The following LRCH4 variants were observed in gnomAD, a reference collection of about 807,000 sequenced individuals.
The protein encoded by LRCH4 is leucine-rich repeat and calponin homology domain-containing protein 4.
LRCH4 carries 56 observed loss-of-function variants against 81.2 expected under a neutral mutation model. The observed-to-expected ratio is 0.69, with a 90% CI of 0.56 to 0.86. LRCH4 has a LOEUF of 0.86. LRCH4 is among the 40% of genes least tolerant of loss of function. LRCH4 has a pLI of 0.00. For missense variants in LRCH4, 895 were observed against 922.8 expected (o/e 0.97, Z 0.39); for synonymous variants, 442 against 409.7 (o/e 1.08, Z -0.95).
At chr7:100,579,412 A>G (rs1801465694) in intron 4 of LRCH4, 1 of 152,346 alleles carries the variant, frequency 6.6e-6, no homozygotes, top group African/African-American at 2.4e-5. Flanking sequence ...CCTGGCTAAC[A>G]TGGTGAAAAC....
rs373733500 is a variant in LRCH4 at position 100,575,246 on chromosome 7, G to A, written c.1913C>T (p.Ala638Val). The A allele has an allele frequency of 2.8e-5, 45 of 1,591,598 alleles. No individual in the cohort carries two copies. Among genetic ancestry groups the A allele is most frequent in the Middle Eastern group, 1.7e-4 (1 of 5,992 alleles). ...LQGTARGLRT[A>V]LEAVKRVGGK... is the part of the protein sequence containing the mutation. Reference sequence around the variant, plus strand: ...CCCCACCCGCTTCACGGCCTCCAGCGCGGTCCGCAGCCCCCGGGCAGTGCC... The same window carrying A: ...CCCCACCCGCTTCACGGCCTCCAGCACGGTCCGCAGCCCCCGGGCAGTGCC... The change falls in exon 18 of 18, where the codon GCG becomes GTG. Residue 638 changes from alanine to valine, a missense_variant. Ala to Val is a moderately conservative substitution (Grantham distance 64). Transcript: ENST00000310300. The surrounding 1 kb of genome is among the most constrained non-coding windows in gnomAD (Gnocchi z 5.3).
At chr7:100,584,683 T>C (rs1801668392) in intron 1 of LRCH4, 1 of 456,542 alleles carries the variant, frequency 2.2e-6, no homozygotes, top group Non-Finnish European at 4.4e-6. Context: ...TCATTCCCCA[T>C]CTCAAGTGTT....
chr7:100,578,527 C>A lies in LRCH4; in HGVS notation c.736-16G>T. ...TCAGGCAGACCTGTGTGCGGGGCAGCACACGCCAGGGAGTTGGCAGGGAGG... is the reference window on the plus strand; with the variant it reads ...TCAGGCAGACCTGTGTGCGGGGCAGAACACGCCAGGGAGTTGGCAGGGAGG... On this transcript the variant is annotated splice_polypyrimidine_tract_variant and intron_variant, in intron 5 of 17. Transcript: ENST00000310300. This position sits in a 1 kb window ranked among gnomAD's most constrained non-coding sequence, Gnocchi z 5.7. 1 of 1,609,896 alleles carries A rather than the reference C, an allele frequency of 6.2e-7. No homozygotes were observed. The highest frequency in any genetic ancestry group is 1.1e-5 in the South Asian group (1 of 90,522).
In LRCH4 at chr7:100,583,325, C is replaced by A. The variant is rs151014506; in HGVS notation, c.221-866G>T. Among the ~76,000 whole-genome samples the A allele has an allele frequency of 3.3e-5, 5 of 152,318 alleles. No homozygotes were observed. Among genetic ancestry groups the A allele is most frequent in the Non-Finnish European group, 5.9e-5 (4 of 68,024 alleles). ...CTGGGGTCTACAATCGCCCTCTTAT[C>A]TGGAGCACTGCCTTGCTATGCGGAG... On this transcript the variant is annotated intron_variant, in intron 1 of 17. Transcript: ENST00000310300. This position sits in a 1 kb window ranked among gnomAD's most constrained non-coding sequence, Gnocchi z 4.3.
At position 100,575,095 on chromosome 7, in the gene LRCH4, C is replaced by T. The variant is rs779087786; in HGVS notation, c.*12G>A. 10 of 1,599,900 alleles carry T rather than the reference C, an allele frequency of 6.3e-6. No individual in the cohort carries two copies. The African/African-American group carries it at 9.4e-5, about 15-fold the overall frequency. On this transcript the variant is annotated 3_prime_UTR_variant, in exon 18 of 18. Coordinates refer to ENST00000310300, the MANE Select transcript of LRCH4 (RefSeq NM_002319.5). This position sits in a 1 kb window ranked among gnomAD's most constrained non-coding sequence, Gnocchi z 5.3. ...GGAAGGGAAAGGGGTGAGGGAGGGC[C>T]GATTTTGGGGCCTAGGAACCCAGGA...
At position 100,574,527 on chromosome 7, in the gene LRCH4, G is replaced by C. The variant is rs371729570; in HGVS notation, c.*580C>G. The C allele has an allele frequency of 6.6e-6, 1 of 152,312 alleles. No individual in the cohort carries two copies. The highest frequency in any genetic ancestry group is 2.4e-5 in the African/African-American group (1 of 41,374). The allele number at this position is 152,312 out of a possible 1,614,324, so 9.4% of individuals were successfully genotyped here. On this transcript the variant is annotated 3_prime_UTR_variant, in exon 18 of 18. Transcript: ENST00000310300. Reference sequence around the variant, plus strand: ...AAGGGAGGTGACACGGGGGGTTGGCGGACGCTCCGGGAGCATGAGAGGCCG... The same window carrying C: ...AAGGGAGGTGACACGGGGGGTTGGCCGACGCTCCGGGAGCATGAGAGGCCG...
chr7:100,576,935 C>A lies in LRCH4; in HGVS notation c.1435G>T (p.Ala479Ser). The change falls in exon 13 of 18, where the codon GCC becomes TCC. Residue 479 changes from alanine (A) to serine (S), a missense_variant. By Grantham distance (99) the Ala-to-Ser change is moderately conservative. Coordinates refer to ENST00000310300, the MANE Select transcript of LRCH4 (RefSeq NM_002319.5). ...AGQGAPAPAP[A>S]SQEPLPIAGP... is the part of the protein sequence containing the mutation. ...GCTATGGGAAGGGGCTCTTGGGAGG[C>A]AGGGGCAGGGGCGGGGGCTCCCTGC... 6.4e-7 allele frequency: 1 copy of A among 1,566,724 alleles called. No homozygotes were observed.
At position 100,576,317 on chromosome 7, in the gene LRCH4, G is replaced by A. The variant is rs756533087; in HGVS notation, c.1559C>T (p.Ser520Phe). The change falls in exon 15 of 18, where the codon TCC (serine) becomes TTC (phenylalanine). Residue 520 changes from serine to phenylalanine, a missense_variant. Ser to Phe is a radical substitution (Grantham distance 155). Around this residue, in one of 3 missense-constraint regions of LRCH4, gnomAD observed 529 missense variants for 504.9 expected, o/e 1.05. Transcript: ENST00000310300. ...RSSSQSGSGP[S>F]SPDSVLRPRR... ...AGGTCTCAGGACAGAGTCTGGTGAGGAAGGGCCTAGGAGAAAAAGGGGGGC... is the reference window on the plus strand; with the variant it reads ...AGGTCTCAGGACAGAGTCTGGTGAGAAAGGGCCTAGGAGAAAAAGGGGGGC... The A allele has an allele frequency of 8.1e-6, 13 of 1,613,638 alleles. No homozygotes were observed. Among genetic ancestry groups the A allele is most frequent in the Non-Finnish European group, 1.1e-5 (13 of 1,179,734 alleles).
chr7:100,580,478 A>G (rs1481636370), intron 4 of LRCH4: 1 of 152,292 alleles, frequency 6.6e-6, no homozygotes. Context: ...ACATACATAC[A>G]CACAGACACA....
In LRCH4 at chr7:100,575,296, C is replaced by A. The variant is rs1466638723; in HGVS notation, c.1863G>T (p.Leu621=). The change falls in exon 18 of 18, where the codon CTG becomes CTT. Residue 621 remains leucine, a synonymous_variant. Transcript: ENST00000310300. The surrounding 1 kb of genome is among the most constrained non-coding windows in gnomAD (Gnocchi z 5.3). Reference sequence around the variant, plus strand: ...CCTGGAGGAGATCCGAGGGCGAGCACAGGTCAGCCTGGGGGAGAGGAGAGC... The same window carrying A: ...CCTGGAGGAGATCCGAGGGCGAGCAAAGGTCAGCCTGGGGGAGAGGAGAGC... ...CRKMGVPEAD[L]CSPSDLLQGT... 2 of 1,549,834 alleles carry A rather than the reference C, an allele frequency of 1.3e-6. No homozygotes were observed.
Position 100,575,669 on chromosome 7 carries a change from G to A in LRCH4, c.1854+36C>T, listed in dbSNP as rs199878304. The stretch of plus-strand genomic sequence containing the variant: ...CCATGCCACATGCTCGGCTGAGTCC[G>A]GCATGCCACCACTCTTTAGAAAGCA... On this transcript the variant is annotated intron_variant, in intron 17 of 17. Transcript: ENST00000310300. This position sits in a 1 kb window ranked among gnomAD's most constrained non-coding sequence, Gnocchi z 5.3. 132 of 1,609,090 alleles carry A rather than the reference G, an allele frequency of 8.2e-5. No homozygotes were observed. Among genetic ancestry groups the A allele is most frequent in the Admixed American group, 4.0e-4 (24 of 60,010 alleles).
chr7:100,584,998 C>A (rs1801680736), intron 1 of LRCH4: 1 of 352,010 alleles, frequency 2.8e-6, no homozygotes, highest in African/African-American at 2.1e-5. Context: ...ACAGTTAAGT[C>A]CCCCACCCCC....
chr7:100,579,764 A>T (rs1801475175), intron 4 of LRCH4: 1 of 152,058 alleles, frequency 6.6e-6, no homozygotes, highest in African/African-American at 2.4e-5. Flanking sequence ...GAGCCTTCCC[A>T]GGTGCTGTTT....
At position 100,576,929 on chromosome 7, in the gene LRCH4, G is replaced by GGGAGGC; in HGVS notation, c.1435_1440dup (p.Ala479_Ser480dup). On this transcript the variant is annotated inframe_insertion, in exon 13 of 18. Transcript: ENST00000310300. ...GGTCCAGCTATGGGAAGGGGCTCTT[G>GGGAGGC]GGAGGCAGGGGCAGGGGCGGGGGCT... is the stretch of plus-strand genomic sequence containing the variant. 1 of 1,567,476 alleles carries GGGAGGC rather than the reference G, an allele frequency of 6.4e-7. No individual in the cohort carries two copies. Among genetic ancestry groups the GGGAGGC allele is most frequent in the East Asian group, 2.3e-5 (1 of 43,182 alleles).
chr7:100,584,417 G>A (rs1188095989), intron 1 of LRCH4, among the ~76,000 whole-genome samples: 3 of 152,072 alleles, frequency 2.0e-5, no homozygotes, highest in Non-Finnish European at 4.4e-5. Context: ...GAATGCTGGG[G>A]GAGGAGGGGG....
Position 100,577,364 on chromosome 7 carries a change from G to A in LRCH4, c.1204C>T (p.Arg402Trp), listed in dbSNP as rs1471403594. The stretch of plus-strand genomic sequence containing the variant: ...AGCTGCAAGGTGTCCGGGCGCCGCC[G>A]CTCCTCCCCTGCCGGCTCCTCCCGC... ...SRREEPAGEE[R>W]RRPDTLQLWQ... is the part of the protein sequence containing the mutation. The change falls in exon 11 of 18, where the codon CGG (arginine) becomes TGG (tryptophan). Residue 402 changes from arginine to tryptophan, a missense_variant. By Grantham distance (101) the Arg-to-Trp change is moderately radical. Coordinates refer to ENST00000310300, the MANE Select transcript of LRCH4 (RefSeq NM_002319.5). The surrounding 1 kb of genome is among the most constrained non-coding windows in gnomAD (Gnocchi z 6.7). 3 of 1,599,562 alleles carry A rather than the reference G, an allele frequency of 1.9e-6. No individual in the cohort carries two copies. Among genetic ancestry groups the A allele is most frequent in the Admixed American group, 3.3e-5 (2 of 59,948 alleles).
rs112574081 is a variant in LRCH4 at position 100,582,233 on chromosome 7, C to T, written c.366-66G>A. The T allele has an allele frequency of 1.8e-3, 2,910 of 1,613,390 alleles. 10 individuals carry two copies. Among genetic ancestry groups the T allele is most frequent in the Non-Finnish European group, 2.1e-3 (2,521 of 1,179,872 alleles). ...TGGCATCCCAGCACTGCCATCCTCT[C>T]GGGGTCACTGGGTGGGTCACTCAGT... On this transcript the variant is annotated intron_variant, in intron 2 of 17. Coordinates refer to ENST00000310300, the MANE Select transcript of LRCH4 (RefSeq NM_002319.5). The surrounding 1 kb of genome is among the most constrained non-coding windows in gnomAD (Gnocchi z 5.0).
Position 100,577,269 on chromosome 7 carries a change from C to G in LRCH4, c.1295+4G>C, listed in dbSNP as rs1801394254. 6.2e-7 allele frequency: 1 copy of G among 1,601,972 alleles called. No homozygotes were observed. Among genetic ancestry groups the G allele is most frequent in the Admixed American group, 1.7e-5 (1 of 59,850 alleles). ...CAACAGCCCCGGGCGGCCCTGGGTC[C>G]CACCTATCCTTCCTCGGGGCCCCCC... On this transcript the variant is annotated splice_donor_region_variant and intron_variant, in intron 11 of 17. Coordinates refer to ENST00000310300, the MANE Select transcript of LRCH4 (RefSeq NM_002319.5). This position sits in a 1 kb window ranked among gnomAD's most constrained non-coding sequence, Gnocchi z 6.7.
At position 100,575,100 on chromosome 7, in the gene LRCH4, T is replaced by C. The variant is rs747488154; in HGVS notation, c.*7A>G. ...GGAAAGGGGTGAGGGAGGGCCGATT[T>C]TGGGGCCTAGGAACCCAGGAGCCGA... On this transcript the variant is annotated 3_prime_UTR_variant, in exon 18 of 18. Transcript: ENST00000310300. The surrounding 1 kb of genome is among the most constrained non-coding windows in gnomAD (Gnocchi z 5.3). 5.6e-6 allele frequency: 9 copies of C among 1,602,682 alleles called. No individual in the cohort carries two copies. Among genetic ancestry groups the C allele is most frequent in the East Asian group, 4.5e-5 (2 of 44,648 alleles).
Sources: gnomAD v4.1 joint callset for allele counts (sites outside exome capture counted in the v4.1 genomes callset) on GRCh38, gnomAD v4.1.1 for gene constraint, gnomAD v4.1.1 regional missense constraint, Gnocchi (gnomAD v3.1) non-coding constraint, MANE v1.5 for transcripts, NCBI Gene and HGNC (gene_info 2026-07-23, HGNC 2026-07-21) for gene names.